The following LOC128125822 variants were observed in gnomAD, a reference collection of about 807,000 sequenced individuals.
the LOC128125822 span, chr6:63,579,073 A>G: frequency 2.0e-6 from 3 of 1,520,214 alleles, no homozygotes; most frequent in South Asian, 4.0e-5. Context: ...ATCTATTGAT[A>G]ATGAAAATAC....
At chr6:63,578,254 A>C in the LOC128125822 span, among the ~76,000 whole-genome samples, 1 of 152,226 alleles carries the variant, frequency 6.6e-6, no homozygotes, top group Non-Finnish European at 1.5e-5. Context: ...TTCTTTTTAT[A>C]TTCTAGCATT....
the LOC128125822 span, chr6:63,576,764 C>T: frequency 1.3e-6 from 1 of 757,390 alleles, no homozygotes; most frequent in Admixed American, 2.8e-5. Context: ...ATACTCAAAG[C>T]ACTGAGAATT....
the LOC128125822 span, chr6:63,578,297 A>C: frequency 1.3e-5 from 14 of 1,099,958 alleles, no homozygotes; most frequent in Non-Finnish European, 1.7e-5. Context: ...TTTGTGTTAA[A>C]CATAAATGGA....
the LOC128125822 span, among the ~76,000 whole-genome samples, chr6:63,578,729 G>A: frequency 6.6e-6 from 1 of 152,182 alleles, no homozygotes; most frequent in Non-Finnish European, 1.5e-5. Context: ...AAACATTTTT[G>A]TAAAGATTGA....
the LOC128125822 span, chr6:63,578,779 A>T: frequency 1.7e-6 from 2 of 1,187,956 alleles, no homozygotes; most frequent in Non-Finnish European, 2.2e-6. Context: ...GTTTAATAAG[A>T]TTTGATTAAA....
chr6:63,578,761 A>T, the LOC128125822 span: 1 of 1,126,246 alleles, frequency 8.9e-7, no homozygotes, highest in Non-Finnish European at 1.2e-6. Flanking sequence ...CATTTGGTAG[A>T]CAACAGGGTT....
chr6:63,572,664 G>T, the LOC128125822 span: 1 of 410,278 alleles, frequency 2.4e-6, no homozygotes. Flanking sequence ...TGTCGCCGCC[G>T]CCTCGGGACC....
chr6:63,577,968 C>T, the LOC128125822 span, among the ~76,000 whole-genome samples: 1 of 137,642 alleles, frequency 7.3e-6, no homozygotes, highest in African/African-American at 3.0e-5. Flanking sequence ...GGCTTTTTTA[C>T]TGTAGTTAAG....
the LOC128125822 span, chr6:63,576,862 GTTTT>G: frequency 6.3e-6 from 10 of 1,594,880 alleles, no homozygotes; most frequent in Non-Finnish European, 8.6e-6. Flanking sequence ...CCTATTGAGT[GTTTT>G]TTAACTAAAT....
chr6:63,576,766 C>T, the LOC128125822 span: 1 of 779,254 alleles, frequency 1.3e-6, no homozygotes, highest in South Asian at 1.8e-5. Context: ...ACTCAAAGCA[C>T]TGAGAATTTC....
chr6:63,574,369 G>GA, the LOC128125822 span, among the ~76,000 whole-genome samples: 61,062 of 151,856 alleles, frequency 0.4, 12,900 homozygotes, highest in African/African-American at 0.53. Context: ...AGGTGGGAGG[G>GA]AAAAAATCCC....
the LOC128125822 span, chr6:63,583,086 A>G: frequency 6.6e-6 from 1 of 152,222 alleles, no homozygotes; most frequent in South Asian, 2.1e-4. Flanking sequence ...GATTTTGGTC[A>G]CCAATGAGTA....
At chr6:63,581,495 AGAC>A in the LOC128125822 span, 1 of 152,532 alleles carries the variant, frequency 6.6e-6, no homozygotes, top group Non-Finnish European at 1.5e-5. Context: ...ATTTTGTAGA[AGAC>A]AAAATGAATT....
the LOC128125822 span, chr6:63,581,529 CCT>C: frequency 8.5e-5 from 13 of 152,280 alleles, no homozygotes; most frequent in Non-Finnish European, 1.2e-4. Flanking sequence ...TAATGTGTGT[CCT>C]CATCTTTTTA....
chr6:63,575,851 T>C, the LOC128125822 span, among the ~76,000 whole-genome samples: 1 of 152,110 alleles, frequency 6.6e-6, no homozygotes, highest in Non-Finnish European at 1.5e-5. Context: ...ATTCTAAATA[T>C]AGGACTTAAA....
chr6:63,576,359 T>C, the LOC128125822 span: 1 of 397,466 alleles, frequency 2.5e-6, no homozygotes, highest in Non-Finnish European at 4.4e-6. Flanking sequence ...TGTACTTAAA[T>C]AGTGTAAAAC....
At chr6:63,573,851 C>T in the LOC128125822 span, among the ~76,000 whole-genome samples, 2 of 152,138 alleles carry the variant, frequency 1.3e-5, no homozygotes, top group African/African-American at 4.8e-5. Flanking sequence ...ATACATTTCC[C>T]CTGCCAATTT....
chr6:63,581,596 A>C, the LOC128125822 span: 1 of 152,124 alleles, frequency 6.6e-6, no homozygotes, highest in Non-Finnish European at 1.5e-5. Flanking sequence ...TTTTAGACAA[A>C]ATTTGTTAGG....
At chr6:63,579,016 C>A in the LOC128125822 span, 1 of 1,595,910 alleles carries the variant, frequency 6.3e-7, no homozygotes, top group Non-Finnish European at 8.5e-7. Context: ...CATTGCGTTG[C>A]AGGCCTTGGG....
Sources: allele counts gnomAD v4.1 joint callset (sites outside exome capture counted in the v4.1 genomes callset), GRCh38; gene constraint gnomAD v4.1.1; transcripts MANE v1.5.